The following HHLA2 variants were observed in gnomAD, a reference collection of about 807,000 sequenced individuals.
HHLA2 encodes the protein HHLA2 member of B7 family.
Under a neutral mutation model 45.9 loss-of-function variants are expected in HHLA2, and 48 were observed. That is an observed-to-expected ratio of 1.05 (90% CI 0.83 to 1.33). HHLA2 has a LOEUF of 1.33. HHLA2 is among the 40% of genes most tolerant of loss of function. HHLA2 has a pLI of 0.00. For missense variants in HHLA2, 462 were observed against 494.3 expected (o/e 0.93, Z 0.62); for synonymous variants, 161 against 173.9 (o/e 0.93, Z 0.59).
chr3:108,297,334 G>A (rs2080776871), intron 1 of HHLA2, among the ~76,000 whole-genome samples: 1 of 152,112 alleles, frequency 6.6e-6, no homozygotes, highest in Non-Finnish European at 1.5e-5. Context: ...AATAATTTCT[G>A]TCCAGAATGG....
chr3:108,306,335 A>G (rs1040864991), intron 1 of HHLA2, among the ~76,000 whole-genome samples: 1 of 152,152 alleles, frequency 6.6e-6, no homozygotes, highest in African/African-American at 2.4e-5. Flanking sequence ...ATATTGTTAG[A>G]TTTGGTTTAC....
chr3:108,305,976 C>T (rs1157420505), intron 1 of HHLA2, among the ~76,000 whole-genome samples: 1 of 152,156 alleles, frequency 6.6e-6, no homozygotes, highest in African/African-American at 2.4e-5. Flanking sequence ...GTGTCATGGC[C>T]ATGACTGATC....
At chr3:108,356,289 C>T (rs568411756) in intron 6 of HHLA2, among the ~76,000 whole-genome samples, 1 of 152,256 alleles carries the variant, frequency 6.6e-6, no homozygotes, top group Non-Finnish European at 1.5e-5. Flanking sequence ...ATCGGCCTCC[C>T]AAAGTGCTAG....
intron 7 of HHLA2, among the ~76,000 whole-genome samples, chr3:108,360,791 G>GTAAC (rs2081973063): frequency 6.6e-6 from 1 of 152,180 alleles, no homozygotes; most frequent in Non-Finnish European, 1.5e-5. Flanking sequence ...TTGACCATGG[G>GTAAC]TAACTAAAAC....
chr3:108,301,652 T>C (rs1320094258), intron 1 of HHLA2, among the ~76,000 whole-genome samples: 1 of 152,132 alleles, frequency 6.6e-6, no homozygotes, highest in Non-Finnish European at 1.5e-5. Context: ...CTTTTGGAAG[T>C]TGAGGGTGGC....
chr3:108,373,666 C>A (rs1280954629), intron 8 of HHLA2, among the ~76,000 whole-genome samples: 5 of 151,766 alleles, frequency 3.3e-5, no homozygotes, highest in Admixed American at 6.6e-5. Flanking sequence ...AAATCACAAG[C>A]ATTCTTATAC....
intron 6 of HHLA2, among the ~76,000 whole-genome samples, chr3:108,355,787 A>G (rs1309166265): frequency 3.3e-5 from 5 of 152,178 alleles, no homozygotes; most frequent in African/African-American, 1.2e-4. Flanking sequence ...GCAGATCACA[A>G]CTTCCAATCT....
At chr3:108,359,043 G>A (rs1220401645) in intron 7 of HHLA2, among the ~76,000 whole-genome samples, 1 of 152,086 alleles carries the variant, frequency 6.6e-6, no homozygotes, top group Admixed American at 6.5e-5. Flanking sequence ...TTTGAGAGTA[G>A]AGAATGAAAA....
intron 3 of HHLA2, among the ~76,000 whole-genome samples, chr3:108,345,283 A>T (rs1443106041): frequency 6.6e-6 from 1 of 152,210 alleles, no homozygotes; most frequent in Non-Finnish European, 1.5e-5. Flanking sequence ...ATAACCTGAG[A>T]ACTGCAGCTT....
intron 8 of HHLA2, among the ~76,000 whole-genome samples, chr3:108,369,765 A>G (rs1479178644): frequency 6.6e-6 from 1 of 152,108 alleles, no homozygotes; most frequent in East Asian, 1.9e-4. Flanking sequence ...AGCCTGGGGG[A>G]GGGGCACCCA....
chr3:108,330,015 T>C (rs1408557507), intron 3 of HHLA2, among the ~76,000 whole-genome samples: 1 of 152,082 alleles, frequency 6.6e-6, no homozygotes, highest in African/African-American at 2.4e-5. Flanking sequence ...GAGAAAATGC[T>C]TCCAAACTCA....
intron 3 of HHLA2, among the ~76,000 whole-genome samples, chr3:108,331,068 T>TA (rs1560216858): frequency 2.0e-5 from 3 of 152,098 alleles, no homozygotes; most frequent in Non-Finnish European, 4.4e-5. Context: ...TATTAGGGTG[T>TA]TTCAAACCTG....
chr3:108,371,295 C>G (rs959291836), intron 8 of HHLA2, among the ~76,000 whole-genome samples: 7 of 152,126 alleles, frequency 4.6e-5, no homozygotes, highest in Non-Finnish European at 7.3e-5. Context: ...TTGTCACCAC[C>G]AGGCCTGCCC....
chr3:108,335,268 A>T (rs2081451347), intron 3 of HHLA2, among the ~76,000 whole-genome samples: 1 of 152,206 alleles, frequency 6.6e-6, no homozygotes, highest in Admixed American at 6.5e-5. Context: ...AATGAGTTGC[A>T]TGAGCAGATT....
chr3:108,313,883 C>T (rs1051580308), intron 2 of HHLA2, among the ~76,000 whole-genome samples: 6 of 152,244 alleles, frequency 3.9e-5, no homozygotes, highest in East Asian at 1.9e-4. Context: ...AACTGAACTC[C>T]GAGCATACAT....
In HHLA2 at chr3:108,362,460, T is replaced by G; in HGVS notation, c.1108+14T>G. The G allele has an allele frequency of 6.4e-7, 1 of 1,562,044 alleles. No individual in the cohort carries two copies. Among genetic ancestry groups the G allele is most frequent in the Non-Finnish European group, 8.8e-7 (1 of 1,138,612 alleles). ...AATGTTGCAGAGGTAATAGAAGAAT[T>G]TGGGCTCTGCCCCACGTGTTCCACA... On this transcript the variant is annotated intron_variant, in intron 8 of 10. Transcript: ENST00000619531.
chr3:108,309,867 C>T (rs985546748), intron 1 of HHLA2, among the ~76,000 whole-genome samples: 2 of 152,060 alleles, frequency 1.3e-5, no homozygotes, highest in South Asian at 2.1e-4. Flanking sequence ...AAGCTGCCCA[C>T]CTCTTGGAGG....
chr3:108,297,391 G>T (rs1454983698), intron 1 of HHLA2, among the ~76,000 whole-genome samples: 2 of 152,096 alleles, frequency 1.3e-5, no homozygotes, highest in Non-Finnish European at 2.9e-5. Flanking sequence ...ATCAAAAGAT[G>T]CAATAAAGTG....
In HHLA2 at chr3:108,353,568, A is replaced by G. The variant is rs752349830; in HGVS notation, c.206A>G (p.Tyr69Cys). 13 of 1,613,598 alleles carry G rather than the reference A, an allele frequency of 8.1e-6. No homozygotes were observed. The South Asian group carries it at 1.4e-4, about 18-fold the overall frequency. Residue 69 changes from tyrosine to cysteine, a missense_variant, in exon 5 of 11, where the codon TAT (tyrosine) becomes TGT (cysteine). This residue lies in a region of HHLA2 where 335 missense variants were observed against 367.4 expected (regional missense o/e 0.91). Coordinates refer to ENST00000619531, the Ensembl canonical transcript of HHLA2. Reference sequence around the variant, plus strand: ...ATACACTGGAAGTATCAAGATAGCTATAAGGTTCACAGTTACTACAAAGGC... The same window carrying G: ...ATACACTGGAAGTATCAAGATAGCTGTAAGGTTCACAGTTACTACAAAGGC...
Sources: allele counts gnomAD v4.1 joint callset (sites outside exome capture counted in the v4.1 genomes callset), GRCh38; gene constraint gnomAD v4.1.1; regional missense constraint gnomAD v4.1.1; transcripts MANE v1.5; gene names NCBI Gene and HGNC (gene_info 2026-07-23, HGNC 2026-07-21).